CLEC16A: variants seen among roughly 807,000 people sequenced by gnomAD.
CLEC16A encodes protein CLEC16A.
CLEC16A carries 51 observed loss-of-function variants against 109.5 expected under a neutral mutation model. The ratio of observed to expected loss-of-function variants is 0.47; its 90% CI spans 0.37 to 0.59. The LOEUF (loss-of-function observed/expected upper bound fraction) is 0.59. Ranked by LOEUF, CLEC16A falls within the 20% of genes least tolerant of loss-of-function variation. The probability of loss-of-function intolerance (pLI) is 0.00; values close to 1 mark genes in which losing one functional copy is unlikely to be tolerated. For missense variants in CLEC16A, 1,339 were observed against 1,394.0 expected (o/e 0.96, Z 0.63); for synonymous variants, 673 against 564.2 (o/e 1.19, Z -2.73).
chr16:11,078,580 C>T (rs1174769941), intron 19 of CLEC16A, among the ~76,000 whole-genome samples: 1 of 152,224 alleles, frequency 6.6e-6, no homozygotes, highest in African/African-American at 2.4e-5. Flanking sequence ...CAGTCACCCT[C>T]ACAGATCCCT....
chr16:10,951,187 T>G (rs935812769), intron 1 of CLEC16A, among the ~76,000 whole-genome samples: 1 of 152,156 alleles, frequency 6.6e-6, no homozygotes, highest in African/African-American at 2.4e-5. Flanking sequence ...CTCCAGGCAT[T>G]TCAAACTCTG....
At chr16:11,119,483 TG>T (rs761788629) in intron 19 of CLEC16A, among the ~76,000 whole-genome samples, 5 of 152,158 alleles carry the variant, frequency 3.3e-5, no homozygotes, top group Non-Finnish European at 7.3e-5. Context: ...TGAACCACCC[TG>T]GGCTCAAGCC....
At chr16:10,945,800 C>A (rs968831988) in intron 1 of CLEC16A, among the ~76,000 whole-genome samples, 1 of 152,226 alleles carries the variant, frequency 6.6e-6, no homozygotes, top group African/African-American at 2.4e-5. Context: ...CTATCCATCA[C>A]ATCTTTCTCT....
chr16:10,944,761 A>G lies in CLEC16A; in HGVS notation c.44A>G (p.Lys15Arg). 6.2e-7 allele frequency: 1 copy of G among 1,609,944 alleles called. No homozygotes were observed. Among genetic ancestry groups the G allele is most frequent in the Non-Finnish European group, 8.5e-7 (1 of 1,178,982 alleles). Residue 15 changes from lysine to arginine, a missense_variant, in exon 1 of 24, where the codon AAG (lysine) becomes AGG (arginine). By Grantham distance (26) the Lys-to-Arg change is conservative (BLOSUM62 2). Around this residue, in one of 3 missense-constraint regions of CLEC16A, gnomAD observed 117 missense variants for 120.2 expected, o/e 0.97. Transcript: ENST00000409790. ...AGCTGGGTGGGCGGGGGCCATGGCA[A>G]GACTTCCCGCAACATCCACTCCTTG... Reference protein sequence around the residue: ...SRSWVGGGHGKTSRNIHSLDH... With the variant: ...SRSWVGGGHGRTSRNIHSLDH...
In CLEC16A at chr16:10,983,069, A is replaced by G. The variant is rs1180776951; in HGVS notation, c.1071+78A>G. Reference sequence around the variant, plus strand: ...CTAATCTGTGTGTTTCTCTAAAATCAGAAACTAACATTCTGAATATATAGC... The same window carrying G: ...CTAATCTGTGTGTTTCTCTAAAATCGGAAACTAACATTCTGAATATATAGC... On this transcript the variant is annotated intron_variant, in intron 10 of 23. Transcript: ENST00000409790. 2.1e-5 allele frequency: 17 copies of G among 803,012 alleles called. No individual in the cohort carries two copies. In the Admixed American group the frequency reaches 2.3e-4, roughly 11 times the overall value. 49.7% of individuals were successfully genotyped at this position (803,012 alleles called of 1,614,324 possible).
intron 12 of CLEC16A, among the ~76,000 whole-genome samples, chr16:11,023,877 T>C (rs2046263341): frequency 6.6e-6 from 1 of 152,220 alleles, no homozygotes; most frequent in South Asian, 2.1e-4. Flanking sequence ...AGTGGGAGGA[T>C]CAGAGCCTCT....
chr16:10,960,030 T>G (rs538072138), intron 2 of CLEC16A, among the ~76,000 whole-genome samples: 8 of 152,324 alleles, frequency 5.3e-5, no homozygotes, highest in African/African-American at 1.9e-4. Flanking sequence ...ACAAAGTCCC[T>G]AAGAAAATTT....
At chr16:11,130,166 G>A (rs1247280855) in intron 22 of CLEC16A, among the ~76,000 whole-genome samples, 1 of 152,148 alleles carries the variant, frequency 6.6e-6, no homozygotes, top group Non-Finnish European at 1.5e-5. Context: ...TGCCTGCGTG[G>A]GAACCTTCTG....
chr16:11,128,955 G>C (rs973374905), intron 22 of CLEC16A, among the ~76,000 whole-genome samples: 2 of 152,150 alleles, frequency 1.3e-5, no homozygotes, highest in Non-Finnish European at 2.9e-5. Flanking sequence ...CCTGCCTCCA[G>C]CTTTTTGGTA....
At chr16:11,035,079 T>C (rs2152836785) in intron 13 of CLEC16A, among the ~76,000 whole-genome samples, 1 of 152,330 alleles carries the variant, frequency 6.6e-6, no homozygotes, top group East Asian at 1.9e-4. Flanking sequence ...CTAAATCTAA[T>C]GTTCGCCACA....
At chr16:11,158,593 A>T (rs1485659549) in intron 22 of CLEC16A, among the ~76,000 whole-genome samples, 2 of 152,138 alleles carry the variant, frequency 1.3e-5, no homozygotes, top group Non-Finnish European at 2.9e-5. Context: ...TTGGTCAAGG[A>T]GGCCCCAAGG....
chr16:11,027,474 C>T, intron 13 of CLEC16A: 1 of 1,582,496 alleles, frequency 6.3e-7, no homozygotes, highest in Non-Finnish European at 8.6e-7. Context: ...TGTCCGAGAA[C>T]TCATTTTGAA....
chr16:11,080,910 C>G (rs1379075871), intron 19 of CLEC16A, among the ~76,000 whole-genome samples: 2 of 152,202 alleles, frequency 1.3e-5, no homozygotes, highest in East Asian at 3.8e-4. Context: ...CCATGAAATC[C>G]CTTTTGTAAG....
At chr16:10,995,927 GTCT>G (rs1382900661) in intron 10 of CLEC16A, among the ~76,000 whole-genome samples, 1 of 152,214 alleles carries the variant, frequency 6.6e-6, no homozygotes, top group Non-Finnish European at 1.5e-5. Context: ...GCCTGGAAGG[GTCT>G]TCTTAGCTTG....
intron 1 of CLEC16A, among the ~76,000 whole-genome samples, chr16:10,955,619 C>A (rs1335640876): frequency 6.6e-6 from 1 of 152,138 alleles, no homozygotes; most frequent in African/African-American, 2.4e-5. Flanking sequence ...GTCATGTGGT[C>A]CTAAAGAATT....
intron 11 of CLEC16A, among the ~76,000 whole-genome samples, 153 bp from the exon 12 acceptor site, chr16:11,020,040 A>G (rs1377474878): frequency 2.6e-5 from 4 of 152,196 alleles, no homozygotes; most frequent in Non-Finnish European, 5.9e-5. Flanking sequence ...TTTCCACCCC[A>G]GTGTGTCTCT....
intron 3 of CLEC16A, among the ~76,000 whole-genome samples, chr16:10,966,181 G>A (rs1472106760): frequency 6.6e-6 from 1 of 152,184 alleles, no homozygotes; most frequent in African/African-American, 2.4e-5. Flanking sequence ...TTCAGAGAAT[G>A]TACTACTATA....
At chr16:11,104,545 T>A (rs2051107045) in intron 19 of CLEC16A, among the ~76,000 whole-genome samples, 1 of 152,184 alleles carries the variant, frequency 6.6e-6, no homozygotes, top group Non-Finnish European at 1.5e-5. Flanking sequence ...TGTGTACTTT[T>A]CTGATGAGGT....
chr16:10,959,311 A>G (rs2042142451), intron 2 of CLEC16A, among the ~76,000 whole-genome samples: 1 of 152,220 alleles, frequency 6.6e-6, no homozygotes, highest in East Asian at 1.9e-4. Flanking sequence ...AACAGTGGCT[A>G]TGATCTCCAA....
Sources: gnomAD v4.1 joint callset for allele counts (sites outside exome capture counted in the v4.1 genomes callset) on GRCh38, gnomAD v4.1.1 for gene constraint, gnomAD v4.1.1 regional missense constraint, MANE v1.5 for transcripts, NCBI Gene and HGNC (gene_info 2026-07-23, HGNC 2026-07-21) for gene names.